GALNT8: variants seen among roughly 807,000 people sequenced by gnomAD.
GALNT8 encodes polypeptide N-acetylgalactosaminyltransferase 8, also known as probable polypeptide N-acetylgalactosaminyltransferase 8.
In GALNT8, 66 loss-of-function variants were observed where a neutral mutation model predicts 62.7. The ratio of observed to expected loss-of-function variants is 1.05; its 90% CI spans 0.86 to 1.29. GALNT8 has a LOEUF of 1.29. Ranked by LOEUF, GALNT8 falls within the 50% of genes most tolerant of loss-of-function variation. The pLI is 0.00. For synonymous variants in GALNT8, 288 were observed against 294.3 expected (o/e 0.98, Z 0.22); for missense variants, 771 against 791.8 (o/e 0.97, Z 0.32).
chr12:4,770,195 G>A (rs920980719), intron 10 of GALNT8, among the ~76,000 whole-genome samples: 2 of 151,920 alleles, frequency 1.3e-5, no homozygotes, highest in African/African-American at 4.8e-5. Flanking sequence ...CCAACCACCT[G>A]GGAGGCTGAG....
chr12:4,734,453 T>A (rs979866086), intron 2 of GALNT8, among the ~76,000 whole-genome samples: 1 of 152,154 alleles, frequency 6.6e-6, no homozygotes, highest in African/African-American at 2.4e-5. Context: ...ATCTGAGAAT[T>A]TTTTTGTGGT....
chr12:4,721,782 C>T (rs1203741370), intron 1 of GALNT8, among the ~76,000 whole-genome samples: 2 of 152,018 alleles, frequency 1.3e-5, no homozygotes, highest in Non-Finnish European at 2.9e-5. Flanking sequence ...AGACCCTTTA[C>T]GGGTGTCGGG....
chr12:4,724,937 C>CT (rs1946187955), intron 1 of GALNT8, among the ~76,000 whole-genome samples: 1 of 152,196 alleles, frequency 6.6e-6, no homozygotes, highest in African/African-American at 2.4e-5. Flanking sequence ...CGAGATGCAT[C>CT]TACCCGGAGA....
chr12:4,720,948 A>T, intron 1 of GALNT8, 60 bp downstream of exon 1: 1 of 1,039,304 alleles, frequency 9.6e-7, no homozygotes, highest in South Asian at 1.3e-5. Context: ...TGGGGCACTT[A>T]GGAAAAAGGG....
At chr12:4,765,619 C>A in intron 10 of GALNT8, 73 bp downstream of exon 10, 1 of 1,210,164 alleles carries the variant, frequency 8.3e-7, no homozygotes, top group Non-Finnish European at 1.2e-6. Flanking sequence ...TCTTGCTCTG[C>A]AGCCCAGGCT....
chr12:4,725,558 T>TC (rs1347045476), intron 1 of GALNT8, among the ~76,000 whole-genome samples: 1 of 148,052 alleles, frequency 6.8e-6, no homozygotes, highest in East Asian at 1.9e-4. Flanking sequence ...ACATTCTTTT[T>TC]TTTTTTTTTT....
intron 6 of GALNT8, 79 bp from the exon 7 acceptor site, chr12:4,760,879 A>G: frequency 3.2e-6 from 4 of 1,233,216 alleles, no homozygotes; most frequent in Non-Finnish European, 4.7e-6. Flanking sequence ...ACGGCTCTAA[A>G]ATGTAGTCTT....
At chr12:4,731,643 T>C (rs1565382645) in intron 2 of GALNT8, among the ~76,000 whole-genome samples, 2 of 152,244 alleles carry the variant, frequency 1.3e-5, no homozygotes, top group East Asian at 3.8e-4. Context: ...TTTATTGTAT[T>C]GAAGGTACAA....
At chr12:4,733,915 A>G (rs978903238) in intron 2 of GALNT8, among the ~76,000 whole-genome samples, 4 of 152,120 alleles carry the variant, frequency 2.6e-5, no homozygotes, top group Non-Finnish European at 5.9e-5. Context: ...GGCATCTCAG[A>G]CTCCACATGG....
rs1205113865 is a variant in GALNT8, at chr12:4,772,457, A to G, written c.1774A>G (p.Ile592Val). ...YWDFKPGGAVINRDTKRCLEM... is the reference protein window; with the variant it reads ...YWDFKPGGAVVNRDTKRCLEM... ...TCTTCCCCTCCAGGGAGGAGCTGTCATAAACAGAGATACCAAGCGGTGTCT... is the reference window on the plus strand; with the variant it reads ...TCTTCCCCTCCAGGGAGGAGCTGTCGTAAACAGAGATACCAAGCGGTGTCT... The change falls in exon 11 of 11, where the codon ATA (isoleucine) becomes GTA (valine). Residue 592 changes from isoleucine to valine, a missense_variant. Physicochemically the swap from Ile to Val is conservative, Grantham distance 29 (BLOSUM62 3). Transcript: ENST00000252318. 1.9e-6 allele frequency: 3 copies of G among 1,613,896 alleles called. No individual in the cohort carries two copies. Among genetic ancestry groups the G allele is most frequent in the Non-Finnish European group, 2.5e-6 (3 of 1,179,968 alleles).
intron 6 of GALNT8, among the ~76,000 whole-genome samples, chr12:4,758,335 A>T (rs1326252665): frequency 2.0e-5 from 3 of 152,010 alleles, no homozygotes; most frequent in Admixed American, 6.6e-5. Context: ...GTGTAAATGG[A>T]GATGATGGGT....
At chr12:4,747,731 C>A (rs912954501) in intron 6 of GALNT8, among the ~76,000 whole-genome samples, 5 of 152,142 alleles carry the variant, frequency 3.3e-5, no homozygotes, top group South Asian at 4.1e-4. Flanking sequence ...GGGTATATAC[C>A]CAGCAGTGGG....
intron 2 of GALNT8, among the ~76,000 whole-genome samples, chr12:4,727,721 C>T (rs1346903218): frequency 6.6e-6 from 1 of 152,132 alleles, no homozygotes; most frequent in Non-Finnish European, 1.5e-5. Context: ...AATAATATTT[C>T]ATTGTCTGGA....
chr12:4,738,637 T>C (rs1205824287), intron 2 of GALNT8, among the ~76,000 whole-genome samples: 2 of 152,242 alleles, frequency 1.3e-5, no homozygotes, highest in Non-Finnish European at 2.9e-5. Flanking sequence ...ACCTTGATTA[T>C]GATATTGTGG....
chr12:4,768,569 T>C, intron 10 of GALNT8: 1 of 264,058 alleles, frequency 3.8e-6, no homozygotes, highest in South Asian at 4.2e-5. Context: ...GGGTTGGCTG[T>C]GAGATCTGGA....
At chr12:4,730,916 C>G (rs944384441) in intron 2 of GALNT8, among the ~76,000 whole-genome samples, 1 of 147,438 alleles carries the variant, frequency 6.8e-6, no homozygotes, top group African/African-American at 2.5e-5. Flanking sequence ...CCAGCAATCT[C>G]GGCTCACTGC....
chr12:4,725,073 G>T (rs990396060), intron 1 of GALNT8, among the ~76,000 whole-genome samples: 1 of 152,250 alleles, frequency 6.6e-6, no homozygotes, highest in African/African-American at 2.4e-5. Flanking sequence ...GATCCTGTCA[G>T]TCTGGTTGAA....
At chr12:4,767,989 T>C (rs929481) in intron 10 of GALNT8, among the ~76,000 whole-genome samples, 55,660 of 152,010 alleles carry the variant, frequency 0.37, 10,724 homozygotes, top group Admixed American at 0.44. Flanking sequence ...TTAAAGAAGA[T>C]TTTTTAATTT....
intron 6 of GALNT8, 76 bp from the exon 7 acceptor site, chr12:4,760,882 G>T: frequency 8.0e-7 from 1 of 1,247,068 alleles, no homozygotes; most frequent in Non-Finnish European, 1.2e-6. Flanking sequence ...GCTCTAAAAT[G>T]TAGTCTTCTT....
Sources: gnomAD v4.1 joint callset for allele counts (sites outside exome capture counted in the v4.1 genomes callset) on GRCh38, gnomAD v4.1.1 for gene constraint, MANE v1.5 for transcripts, NCBI Gene and HGNC (gene_info 2026-07-23, HGNC 2026-07-21) for gene names.